ARL15: variants seen among roughly 807,000 people sequenced by gnomAD.
The protein encoded by ARL15 is ADP-ribosylation factor-like protein 15.
Under a neutral mutation model 25.2 loss-of-function variants are expected in ARL15, and 19 were observed. That is an observed-to-expected ratio of 0.75 (90% CI 0.53 to 1.10). ARL15 has a LOEUF of 1.10. ARL15 is among the 50% of genes least tolerant of loss of function. The probability of loss-of-function intolerance (pLI) is 0.00; values close to 1 mark genes in which losing one functional copy is unlikely to be tolerated. For synonymous variants in ARL15, 94 were observed against 86.8 expected (o/e 1.08, Z -0.46); for missense variants, 220 against 246.0 (o/e 0.89, Z 0.71).
At chr5:54,135,459 T>C (rs983716086) in intron 3 of ARL15, among the ~76,000 whole-genome samples, 20 of 152,264 alleles carry the variant, frequency 1.3e-4, no homozygotes, top group Admixed American at 8.5e-4. Flanking sequence ...TGGAAGATAA[T>C]TAGATTGAAA....
At chr5:53,949,163 T>C (rs1164400238) in intron 4 of ARL15, among the ~76,000 whole-genome samples, 2 of 152,140 alleles carry the variant, frequency 1.3e-5, no homozygotes, top group Non-Finnish European at 2.9e-5. Context: ...CACAAGACAA[T>C]ACAATGATTT....
rs374497872 is a variant in ARL15 at position 53,919,053 on chromosome 5, T to C, written c.463-32340A>G. 2.2e-3 allele frequency among the ~76,000 whole-genome samples: 341 copies of C among 152,326 alleles called. 1 individual carries two copies. The highest frequency in any genetic ancestry group is 7.9e-3 in the African/African-American group (329 of 41,568). Reference sequence around the variant, plus strand: ...TATAAACACCAGGTGTGAGTGAACATTCACTGGGCAACTGTACAGGACATA... The same window carrying C: ...TATAAACACCAGGTGTGAGTGAACACTCACTGGGCAACTGTACAGGACATA... On this transcript the variant is annotated intron_variant, in intron 4 of 4. Coordinates refer to ENST00000504924, the MANE Select transcript of ARL15 (RefSeq NM_019087.3).
chr5:54,017,696 G>A (rs1326926164), intron 4 of ARL15, among the ~76,000 whole-genome samples: 1 of 151,806 alleles, frequency 6.6e-6, no homozygotes, highest in Non-Finnish European at 1.5e-5. Flanking sequence ...GCCAGAGGCA[G>A]TAACCAGGGT....
At chr5:53,922,654 A>G (rs1188529634) in intron 4 of ARL15, among the ~76,000 whole-genome samples, 1 of 152,164 alleles carries the variant, frequency 6.6e-6, no homozygotes, top group African/African-American at 2.4e-5. Context: ...AGCGGGGAGG[A>G]AACAGGTGGC....
At chr5:54,307,428 G>T (rs908863862) in intron 1 of ARL15, among the ~76,000 whole-genome samples, 1 of 152,006 alleles carries the variant, frequency 6.6e-6, no homozygotes, top group African/African-American at 2.4e-5. Flanking sequence ...ACCAAGTCAG[G>T]CACCGCACCA....
chr5:54,071,516 C>A (rs866222869), intron 4 of ARL15, among the ~76,000 whole-genome samples: 7,036 of 108,980 alleles, frequency 0.065, 643 homozygotes, highest in African/African-American at 0.2. Context: ...CCTTTCCCCC[C>A]CCCCCCCCCG....
chr5:54,285,555 T>TC (rs1758160651), intron 1 of ARL15, among the ~76,000 whole-genome samples: 1 of 152,138 alleles, frequency 6.6e-6, no homozygotes, highest in Non-Finnish European at 1.5e-5. Flanking sequence ...CAGTTCTAAT[T>TC]TTGATGTCCT....
chr5:54,200,883 C>T (rs1444626108), intron 1 of ARL15, among the ~76,000 whole-genome samples: 1 of 152,186 alleles, frequency 6.6e-6, no homozygotes, highest in Non-Finnish European at 1.5e-5. Flanking sequence ...AGTGCTTCTT[C>T]TCACACTTTA....
intron 4 of ARL15, among the ~76,000 whole-genome samples, chr5:53,907,488 ATTTTTTTTTTT>A (rs869174212): frequency 1.7e-4 from 3 of 18,014 alleles, no homozygotes; most frequent in Admixed American, 1.1e-3. Context: ...ATATATATAT[ATTTTTTTTTTT>A]TTTTTTTTTT....
intron 4 of ARL15, among the ~76,000 whole-genome samples, chr5:53,965,643 T>G (rs907636286): frequency 5.3e-5 from 8 of 150,862 alleles, no homozygotes; most frequent in African/African-American, 9.7e-5. Flanking sequence ...TTTTTCTGTG[T>G]GGGGGGTTTC....
chr5:54,272,968 C>A (rs928142174), intron 1 of ARL15, among the ~76,000 whole-genome samples: 24 of 152,144 alleles, frequency 1.6e-4, no homozygotes, highest in African/African-American at 5.6e-4. Flanking sequence ...ACTCTTAAAT[C>A]TGCCTTCAAA....
chr5:54,249,295 G>C (rs1561282706), intron 1 of ARL15, among the ~76,000 whole-genome samples: 1 of 152,110 alleles, frequency 6.6e-6, no homozygotes, highest in African/African-American at 2.4e-5. Flanking sequence ...AAAAAGTGGA[G>C]GTAGAACTTT....
intron 4 of ARL15, among the ~76,000 whole-genome samples, chr5:53,975,374 G>C (rs1169156760): frequency 6.6e-6 from 1 of 152,164 alleles, no homozygotes; most frequent in Non-Finnish European, 1.5e-5. Context: ...TCTAAGCACT[G>C]TATTCAAAGA....
chr5:54,149,214 A>G (rs1229359484), intron 3 of ARL15, among the ~76,000 whole-genome samples: 1 of 152,240 alleles, frequency 6.6e-6, no homozygotes, highest in Non-Finnish European at 1.5e-5. Context: ...GTGAAATGTG[A>G]AAACAGAAGG....
intron 4 of ARL15, among the ~76,000 whole-genome samples, chr5:54,056,444 A>T (rs1015357409): frequency 6.6e-6 from 1 of 151,892 alleles, no homozygotes; most frequent in African/African-American, 2.4e-5. Flanking sequence ...CAGCCTGGCC[A>T]ACACGGTGAA....
At chr5:54,217,215 T>TA (rs1334045702) in intron 1 of ARL15, among the ~76,000 whole-genome samples, 1 of 123,476 alleles carries the variant, frequency 8.1e-6, no homozygotes, top group Admixed American at 7.9e-5. Context: ...TTTTTTTTTT[T>TA]AAAAAGGGAG....
intron 1 of ARL15, among the ~76,000 whole-genome samples, chr5:54,201,936 A>G (rs1279394518): frequency 6.6e-6 from 1 of 152,192 alleles, no homozygotes; most frequent in East Asian, 1.9e-4. Flanking sequence ...AGAGCAAGCT[A>G]TGTAACTGGC....
intron 4 of ARL15, among the ~76,000 whole-genome samples, chr5:54,045,059 C>G (rs887682108): frequency 6.6e-6 from 1 of 152,194 alleles, no homozygotes; most frequent in Non-Finnish European, 1.5e-5. Context: ...GGCTATACCA[C>G]AAGTTATATA....
At chr5:54,208,309 G>C (rs1458124065) in intron 1 of ARL15, among the ~76,000 whole-genome samples, 1 of 152,060 alleles carries the variant, frequency 6.6e-6, no homozygotes, top group Non-Finnish European at 1.5e-5. Flanking sequence ...TAATATGAAA[G>C]ACAGAAACCT....
Sources: gnomAD v4.1 joint callset for allele counts (sites outside exome capture counted in the v4.1 genomes callset) on GRCh38, gnomAD v4.1.1 for gene constraint, MANE v1.5 for transcripts, NCBI Gene and HGNC (gene_info 2026-07-23, HGNC 2026-07-21) for gene names.